The following EIF2B1 variants were observed in gnomAD, a reference collection of about 807,000 sequenced individuals.
The protein encoded by EIF2B1 is eukaryotic translation initiation factor 2B subunit alpha, also known as translation initiation factor eIF2B subunit alpha.
A neutral mutation model predicts 36.8 loss-of-function variants in EIF2B1; 30 were observed. That is an observed-to-expected ratio of 0.81 (90% CI 0.61 to 1.10). The LOEUF is 1.10. Ranked by LOEUF, EIF2B1 falls within the 50% of genes least tolerant of loss-of-function variation. EIF2B1 has a pLI of 0.00. For synonymous variants in EIF2B1, 139 were observed against 142.2 expected (o/e 0.98, Z 0.16); for missense variants, 271 against 374.8 (o/e 0.72, Z 2.29).
intron 6 of EIF2B1, among the ~76,000 whole-genome samples, chr12:123,625,287 A>T (rs538275375): frequency 1.1e-3 from 171 of 151,814 alleles, no homozygotes; most frequent in African/African-American, 3.8e-3. Context: ...ACCAGATCTC[A>T]CTCTGTTGCC....
intron 7 of EIF2B1, 132 bp from the exon 8 acceptor site, chr12:123,622,893 T>A: frequency 7.3e-7 from 1 of 1,361,182 alleles, no homozygotes; most frequent in Non-Finnish European, 1.0e-6. Context: ...GTGGATCACC[T>A]GAACCCATGA....
chr12:123,631,536 C>G (rs181187403), intron 2 of EIF2B1, among the ~76,000 whole-genome samples: 47 of 151,542 alleles, frequency 3.1e-4, no homozygotes, highest in African/African-American at 1.0e-3. Flanking sequence ...TGGCCGGGCC[C>G]GGTGGCTCAC....
chr12:123,632,274 A>T, intron 2 of EIF2B1, 71 bp downstream of exon 2: 2 of 1,066,850 alleles, frequency 1.9e-6, no homozygotes, highest in Non-Finnish European at 2.8e-6. Flanking sequence ...TCTCTTTAAA[A>T]AAAAAAAAAA....
At position 123,627,054 on chromosome 12, in the gene EIF2B1, C is replaced by G. The variant is rs1214193136; in HGVS notation, c.472G>C (p.Asp158His). The G allele has an allele frequency of 1.1e-5, 17 of 1,614,044 alleles. No homozygotes were observed. Among genetic ancestry groups the G allele is most frequent in the African/African-American group, 1.3e-5 (1 of 74,916 alleles). Reference sequence around the variant, plus strand: ...CAGAAAGGTACTTGCCCTGACAAATCAGGCTGTGACTCTGTGACGTATACA... The same window carrying G: ...CAGAAAGGTACTTGCCCTGACAAATGAGGCTGTGACTCTGTGACGTATACA... ...FSVYVTESQP[D>H]LSGKKMAKAL... Residue 158 changes from aspartate (D) to histidine (H), a missense_variant, in exon 5 of 9, where the codon GAT becomes CAT. Transcript: ENST00000424014.
chr12:123,630,442 C>A lies in EIF2B1; in HGVS notation c.207G>T (p.Gly69=). The A allele has an allele frequency of 6.2e-7, 1 of 1,614,050 alleles. No homozygotes were observed. The highest frequency in any genetic ancestry group is 1.7e-5 in the Admixed American group (1 of 59,998). ...GACTGATGAAGCGGAGGAAGAGCTC[C>A]CCGCCAGAGGACACTGCCACAGAGG... The part of the protein sequence containing the change: ...VDSSVAVSSG[G]ELFLRFISLA... The change falls in exon 3 of 9, where the codon GGG becomes GGT. Residue 69 remains glycine (G), a synonymous_variant. Transcript: ENST00000424014. This position sits in a 1 kb window ranked among gnomAD's most constrained non-coding sequence, Gnocchi z 4.6.
At chr12:123,624,969 T>C (rs1955137381) in intron 6 of EIF2B1, 107 bp from the exon 7 acceptor site, 1 of 1,035,696 alleles carries the variant, frequency 9.7e-7, no homozygotes, top group Non-Finnish European at 1.5e-6. Flanking sequence ...GTTCCTCCCA[T>C]AACTACCTGT....
At chr12:123,631,074 A>T (rs768777225) in intron 2 of EIF2B1, among the ~76,000 whole-genome samples, 3 of 152,244 alleles carry the variant, frequency 2.0e-5, no homozygotes, top group Non-Finnish European at 4.4e-5. Context: ...TACTAATACC[A>T]GAATTTATTC....
Position 123,632,397 on chromosome 12 carries a change from G to A in EIF2B1, c.63C>T (p.Ala21=), listed in dbSNP as rs760088557. Residue 21 remains alanine (A), a synonymous_variant, in exon 2 of 9, where the codon GCC becomes GCT. Coordinates refer to ENST00000424014, the MANE Select transcript of EIF2B1 (RefSeq NM_001414.4). ...KSQMKEDPDM[A]SAVAAIRTLL... ...ACGTCCGGATGGCAGCCACTGCTGA[G>A]GCCATGTCAGGATCTTCTTTCATCT... 5.8e-5 allele frequency: 93 copies of A among 1,613,756 alleles called. No individual in the cohort carries two copies. The highest frequency in any genetic ancestry group is 7.8e-5 in the Non-Finnish European group (92 of 1,179,984).
Position 123,633,618 on chromosome 12 carries a change from C to A in EIF2B1, c.-61G>T, listed in dbSNP as rs781620995. The A allele has an allele frequency of 3.1e-6, 5 of 1,598,582 alleles. No homozygotes were observed. The East Asian group carries it at 1.1e-4, about 36-fold the overall frequency. On this transcript the variant is annotated 5_prime_UTR_variant, in exon 1 of 9. Transcript: ENST00000424014. ...GCCGCCCGCGCTGTCTCGAACGGGT[C>A]CGCCGGCCGCGCCGCCTGCGAGCCA... is the stretch of plus-strand genomic sequence containing the variant.
intron 4 of EIF2B1, 44 bp from the exon 5 acceptor site, chr12:123,627,200 GCTC>G: frequency 2.0e-6 from 3 of 1,463,904 alleles, no homozygotes; most frequent in Non-Finnish European, 2.9e-6. Context: ...GCTCCTTGCT[GCTC>G]ACTCACACCC....
rs200304161 is a variant in EIF2B1 at position 123,621,783 on chromosome 12, G to A, written c.891C>T (p.Ser297=). ...ACAGATAGAGCTTGATGAGCTCATCGCTGACTGCTGAGGGTGTCAGCACGC... is the reference window on the plus strand; with the variant it reads ...ACAGATAGAGCTTGATGAGCTCATCACTGACTGCTGAGGGTGTCAGCACGC... ...DLGVLTPSAV[S]DELIKLYL Residue 297 remains serine (S), a synonymous_variant, in exon 9 of 9, where the codon AGC becomes AGT. Coordinates refer to ENST00000424014, the MANE Select transcript of EIF2B1 (RefSeq NM_001414.4). 221 of 1,613,680 alleles carry A rather than the reference G, an allele frequency of 1.4e-4. No individual in the cohort carries two copies. Among genetic ancestry groups the A allele is most frequent in the Middle Eastern group, 1.7e-4 (1 of 5,784 alleles).
chr12:123,626,864 C>T (rs774866804), intron 5 of EIF2B1, 180 bp downstream of exon 5: 6 of 715,520 alleles, frequency 8.4e-6, no homozygotes, highest in Non-Finnish European at 1.5e-5. Context: ...AGATCATATA[C>T]TGCGGCCTGC....
At position 123,620,604 on chromosome 12, in the gene EIF2B1, ATATATATATATATATATATATAT is replaced by A. The variant is rs1566211081; in HGVS notation, c.*1129_*1151del. ...ATTATATATATATATATATATATAT[ATATATATATATATATATATATAT>A]AAGCTCTTTTTTCTGAGGCTATTTT... On this transcript the variant is annotated 3_prime_UTR_variant, in exon 9 of 9. Coordinates refer to ENST00000424014, the MANE Select transcript of EIF2B1 (RefSeq NM_001414.4). 2.1e-4 allele frequency: 16 copies of A among 74,936 alleles called. 1 individual carries two copies. The highest frequency in any genetic ancestry group is 4.6e-4 in the Non-Finnish European group (14 of 30,280). The allele number at this position is 74,936 out of a possible 1,614,324, so 4.6% of individuals were successfully genotyped here. A position where few individuals can be genotyped will look rare whatever the true frequency, so the allele number is the denominator to read the frequency against.
At chr12:123,628,525 G>A (rs1308165563) in intron 4 of EIF2B1, among the ~76,000 whole-genome samples, 1 of 151,778 alleles carries the variant, frequency 6.6e-6, no homozygotes, top group African/African-American at 2.4e-5. Flanking sequence ...ACCACGCCTG[G>A]CTAACTTTTT....
chr12:123,627,319 G>C (rs562219515), intron 4 of EIF2B1, among the ~76,000 whole-genome samples, 163 bp from the exon 5 acceptor site: 2 of 152,298 alleles, frequency 1.3e-5, no homozygotes, highest in South Asian at 4.1e-4. Context: ...TCCATCCCAT[G>C]TGCAAGCTAA....
intron 2 of EIF2B1, 27 bp downstream of exon 2, chr12:123,632,318 A>T: frequency 3.1e-6 from 4 of 1,299,630 alleles, no homozygotes; most frequent in Non-Finnish European, 4.5e-6. Context: ...TAAGTCCCAG[A>T]GTGTTAACAG....
At chr12:123,624,313 C>T (rs1302912840) in intron 7 of EIF2B1, among the ~76,000 whole-genome samples, 2 of 133,406 alleles carry the variant, frequency 1.5e-5, no homozygotes, top group Non-Finnish European at 3.2e-5. Context: ...GGCTGGAATG[C>T]AGTAGTGTGA....
intron 5 of EIF2B1, 182 bp downstream of exon 5, chr12:123,626,862 T>A (rs979927912): frequency 1.4e-6 from 1 of 714,788 alleles, no homozygotes; most frequent in South Asian, 1.5e-5. Context: ...CTAGATCATA[T>A]ACTGCGGCCT....
chr12:123,626,498 A>G lies in EIF2B1; in HGVS notation c.483-5T>C. 6.2e-7 allele frequency: 1 copy of G among 1,614,124 alleles called. No individual in the cohort carries two copies. Among genetic ancestry groups the G allele is most frequent in the African/African-American group, 1.3e-5 (1 of 75,038 alleles). Reference sequence around the variant, plus strand: ...AGGGCTTTGGCCATTTTCTTACTGAAGATGACATTTTGAGAACGTTAGAGA... The same window carrying G: ...AGGGCTTTGGCCATTTTCTTACTGAGGATGACATTTTGAGAACGTTAGAGA... On this transcript the variant is annotated splice_region_variant and splice_polypyrimidine_tract_variant and intron_variant, in intron 5 of 8. Transcript: ENST00000424014.
Sources: gnomAD v4.1 joint callset for allele counts (sites outside exome capture counted in the v4.1 genomes callset) on GRCh38, gnomAD v4.1.1 for gene constraint, Gnocchi (gnomAD v3.1) non-coding constraint, MANE v1.5 for transcripts, NCBI Gene and HGNC (gene_info 2026-07-23, HGNC 2026-07-21) for gene names.